Variants in EZR observed in about 807,000 individuals in gnomAD.
EZR encodes the protein ezrin.
Under a neutral mutation model 74.8 loss-of-function variants are expected in EZR, and 40 were observed. That is an observed-to-expected ratio of 0.53 (90% confidence interval 0.42 to 0.70). The LOEUF is 0.70. Among genes scored for constraint, EZR ranks in the 30% least tolerant of loss-of-function variants. EZR has a pLI of 0.00. For synonymous variants in EZR, 341 were observed against 283.3 expected (o/e 1.20, Z -2.05); for missense variants, 678 against 755.8 (o/e 0.90, Z 1.21).
chr6:158,771,599 G>A (rs1050922466), intron 8 of EZR, among the ~76,000 whole-genome samples, 192 bp from the exon 9 acceptor site: 4 of 151,944 alleles, frequency 2.6e-5, no homozygotes, highest in East Asian at 1.9e-4. Flanking sequence ...GTGTGTGTGC[G>A]GTTATGTGTG....
chr6:158,766,216 CTGTATT>C lies in EZR; in HGVS notation c.*692_*697del, dbSNP rs1207476364. On this transcript the variant is annotated 3_prime_UTR_variant, in exon 14 of 14. Transcript: ENST00000367075. The stretch of plus-strand genomic sequence containing the variant: ...CCTTTTTAAAACTAATGTTACAAAT[CTGTATT>C]ATCACTTGTATATAAATAGTATATA... 1 of 151,206 alleles carries C rather than the reference CTGTATT, an allele frequency of 6.6e-6. No homozygotes were observed. The highest frequency in any genetic ancestry group is 1.5e-5 in the Non-Finnish European group (1 of 67,922). 9.4% of individuals were successfully genotyped at this position (151,206 alleles called of 1,614,324 possible).
chr6:158,785,612 C>G (rs749337036), intron 4 of EZR, 29 bp from the exon 5 acceptor site: 1 of 1,606,856 alleles, frequency 6.2e-7, no homozygotes, highest in Non-Finnish European at 8.5e-7. Flanking sequence ...ACTCTCCACA[C>G]AAATCCGGAA....
chr6:158,769,289 C>G, intron 12 of EZR, 37 bp downstream of exon 12: 1 of 1,585,312 alleles, frequency 6.3e-7, no homozygotes, highest in Non-Finnish European at 8.6e-7. Context: ...GCAACAGGTG[C>G]TGTGGCCGTG....
intron 2 of EZR, among the ~76,000 whole-genome samples, chr6:158,807,353 GGA>G (rs1280356796): frequency 4.4e-4 from 66 of 151,560 alleles, no homozygotes; most frequent in Admixed American, 1.1e-3. Flanking sequence ...AGACAAGGCT[GGA>G]TCCCAAGACA....
chr6:158,768,567 G>C (rs1199373637), intron 12 of EZR, among the ~76,000 whole-genome samples: 1 of 152,184 alleles, frequency 6.6e-6, no homozygotes, highest in Non-Finnish European at 1.5e-5. Context: ...AAGGAGAGGA[G>C]CTGCTTAAAG....
intron 13 of EZR, 70 bp downstream of exon 13, chr6:158,767,191 T>C: frequency 6.3e-7 from 1 of 1,581,522 alleles, no homozygotes. Flanking sequence ...CTCACATCAC[T>C]GCCCTCCCCA....
intron 7 of EZR, 73 bp from the exon 8 acceptor site, chr6:158,776,577 A>G: frequency 9.6e-7 from 1 of 1,044,618 alleles, no homozygotes; most frequent in Non-Finnish European, 1.4e-6. Context: ...GAGATTCGCA[A>G]ATCAATTCTT....
rs771650082 is a variant in EZR at position 158,783,671 on chromosome 6, T to G, written c.552-5A>C. ...TATTCCAACATAGCATTATCTCTAA[T>G]TGGGGAGAGTGAAACAGGCAGAGTC... On this transcript the variant is annotated splice_region_variant and splice_polypyrimidine_tract_variant and intron_variant, in intron 6 of 13. Transcript: ENST00000367075. The G allele has an allele frequency of 6.2e-7, 1 of 1,612,864 alleles. No homozygotes were observed. The highest frequency in any genetic ancestry group is 1.3e-5 in the African/African-American group (1 of 74,892).
intron 12 of EZR, among the ~76,000 whole-genome samples, chr6:158,769,065 C>CA (rs1162554326): frequency 6.6e-6 from 1 of 152,206 alleles, no homozygotes; most frequent in African/African-American, 2.4e-5. Context: ...GGGTGAAAGT[C>CA]AATCAGAGGT....
At chr6:158,773,850 G>A (rs1032287954) in intron 8 of EZR, among the ~76,000 whole-genome samples, 2 of 152,306 alleles carry the variant, frequency 1.3e-5, no homozygotes, top group African/African-American at 2.4e-5. Flanking sequence ...GGAACAAAAC[G>A]CCCTTTTGAA....
chr6:158,766,788 TA>T lies in EZR; in HGVS notation c.*125del, dbSNP rs1790881250. The T allele has an allele frequency of 4.1e-6, 4 of 982,340 alleles. No individual in the cohort carries two copies. The highest frequency in any genetic ancestry group is 6.1e-6 in the Non-Finnish European group (4 of 654,482). 60.9% of individuals were successfully genotyped at this position (982,340 alleles called of 1,614,324 possible). Reference sequence around the variant, plus strand: ...CCCAGCCCAGAATGTTTCTGTTGGGTAACTGCTTTCTAAAGGAACTGGGATC... The same window carrying T: ...CCCAGCCCAGAATGTTTCTGTTGGGTACTGCTTTCTAAAGGAACTGGGATC... On this transcript the variant is annotated 3_prime_UTR_variant, in exon 14 of 14. Transcript: ENST00000367075.
At chr6:158,781,591 G>A (rs780050812) in intron 7 of EZR, among the ~76,000 whole-genome samples, 88 of 152,312 alleles carry the variant, frequency 5.8e-4, no homozygotes, top group Admixed American at 2.3e-3. Flanking sequence ...GCCTGGCCAC[G>A]TTACAAAATC....
At chr6:158,773,295 C>T (rs1469607464) in intron 8 of EZR, among the ~76,000 whole-genome samples, 4 of 152,172 alleles carry the variant, frequency 2.6e-5, no homozygotes, top group Non-Finnish European at 4.4e-5. Flanking sequence ...CAACGGGAAC[C>T]AGAATTTGGG....
At chr6:158,768,434 T>TGGAACAGAGGCAAGGAGGTACTAG (rs1457680310) in intron 12 of EZR, among the ~76,000 whole-genome samples, 1 of 152,068 alleles carries the variant, frequency 6.6e-6, no homozygotes, top group African/African-American at 2.4e-5. Flanking sequence ...GAATGGGGGC[T>TGGAACAGAGGCAAGGAGGTACTAG]GGAACAGAGG....
chr6:158,816,753 C>T (rs1490180065), intron 2 of EZR, among the ~76,000 whole-genome samples: 1 of 152,122 alleles, frequency 6.6e-6, no homozygotes, highest in African/African-American at 2.4e-5. Flanking sequence ...AAAATTAATA[C>T]CTCTAACAAA....
chr6:158,769,509 T>A (rs2128564380), intron 11 of EZR, 91 bp from the exon 12 acceptor site: 2 of 1,331,328 alleles, frequency 1.5e-6, no homozygotes, highest in Admixed American at 3.7e-5. Context: ...TGGCAAGCAG[T>A]CTCCAACGTG....
In EZR at chr6:158,784,684, G is replaced by T. The variant is rs1791523225; in HGVS notation, c.511C>A (p.Arg171=). The T allele has an allele frequency of 6.2e-7, 1 of 1,614,014 alleles. No individual in the cohort carries two copies. The highest frequency in any genetic ancestry group is 1.3e-5 in the African/African-American group (1 of 74,906). The stretch of plus-strand genomic sequence containing the variant: ...TGTTCCGCATGCCACACCTGGATCC[G>T]GTCCTCCCACTGGTCCCTGGTAAGT... The part of the protein sequence containing the change: ...HKLTRDQWED[R]IQVWHAEHRG... The change falls in exon 6 of 14, where the codon CGG becomes AGG. Residue 171 remains arginine, a synonymous_variant. Transcript: ENST00000367075.
chr6:158,806,220 C>T (rs937550386), intron 2 of EZR, among the ~76,000 whole-genome samples: 10 of 152,194 alleles, frequency 6.6e-5, no homozygotes, highest in African/African-American at 2.4e-4. Context: ...TGATCCAGAG[C>T]ACAAAGGTTG....
intron 2 of EZR, among the ~76,000 whole-genome samples, chr6:158,806,712 C>T (rs569060364): frequency 1.3e-5 from 2 of 152,198 alleles, no homozygotes; most frequent in South Asian, 4.2e-4. Flanking sequence ...ATATAATGCA[C>T]CTTGTTATCA....
Sources: allele counts gnomAD v4.1 joint callset (sites outside exome capture counted in the v4.1 genomes callset), GRCh38; gene constraint gnomAD v4.1.1; transcripts MANE v1.5; gene names NCBI Gene and HGNC (gene_info 2026-07-23, HGNC 2026-07-21).